The following DISC1 variants were observed in gnomAD, a reference collection of about 807,000 sequenced individuals.
DISC1 encodes the protein DISC1 scaffold protein, also known as disrupted in schizophrenia 1 protein.
A neutral mutation model predicts 84.5 loss-of-function variants in DISC1; 57 were observed. That is an observed-to-expected ratio of 0.67 (90% CI 0.55 to 0.84). The LOEUF (loss-of-function observed/expected upper bound fraction) is 0.84. Among genes scored for constraint, DISC1 ranks in the 40% least tolerant of loss-of-function variants. The pLI, the probability that DISC1 is intolerant of heterozygous loss-of-function variation, is 0.00. For synonymous variants in DISC1, 411 were observed against 415.2 expected, an observed-to-expected ratio of 0.99 and a Z score of 0.12; for missense variants, 1,000 against 1,057.8, an observed-to-expected ratio of 0.95 and a Z score of 0.76.
At chr1:232,028,054 C>T (rs1669640518) in intron 12 of DISC1, among the ~76,000 whole-genome samples, 1 of 152,140 alleles carries the variant, frequency 6.6e-6, no homozygotes, top group Admixed American at 6.5e-5. Context: ...TAATTTCCTG[C>T]CTCTTAAAAA....
intron 10 of DISC1, 151 bp downstream of exon 10, chr1:231,959,039 T>C: frequency 1.4e-6 from 2 of 1,425,758 alleles, no homozygotes; most frequent in South Asian, 3.2e-5. Context: ...ACCCCATCAG[T>C]GAAAGAGCAG....
intron 7 of DISC1, among the ~76,000 whole-genome samples, chr1:231,799,413 C>T (rs2079007970): frequency 6.6e-6 from 1 of 152,094 alleles, no homozygotes; most frequent in South Asian, 2.1e-4. Context: ...GAGCAAAATC[C>T]CTGCTCACAT....
At chr1:231,813,202 G>A (rs2080499526) in intron 8 of DISC1, 1 of 152,228 alleles carries the variant, frequency 6.6e-6, no homozygotes, top group Admixed American at 6.5e-5. Flanking sequence ...TCTGCTTTTA[G>A]AGATCTTTTC....
At chr1:231,760,806 G>A (rs2075588375) in intron 4 of DISC1, among the ~76,000 whole-genome samples, 1 of 152,206 alleles carries the variant, frequency 6.6e-6, no homozygotes, top group African/African-American at 2.4e-5. Context: ...GGCCTCTCGA[G>A]CAATGCCAAG....
intron 9 of DISC1, among the ~76,000 whole-genome samples, chr1:231,874,102 G>A (rs192504858): frequency 2.8e-4 from 42 of 151,710 alleles, no homozygotes; most frequent in East Asian, 9.7e-4. Flanking sequence ...CCTGCCTGTC[G>A]GCCTCCCAAA....
chr1:231,770,871 C>T lies in DISC1; in HGVS notation c.1435C>T (p.Leu479=). ...IEALQARMFV[L]EAKDQQLRRE... Reference sequence around the variant, plus strand: ...AGCTCTCCAAGCAAGGATGTTTGTGCTGGAAGCCAAAGATCAACAGCTGAG... The same window carrying T: ...AGCTCTCCAAGCAAGGATGTTTGTGTTGGAAGCCAAAGATCAACAGCTGAG... The change falls in exon 6 of 13, where the codon CTG becomes TTG. Residue 479 remains leucine (L), a synonymous_variant. Transcript: ENST00000439617. 2 of 1,614,226 alleles carry T rather than the reference C, an allele frequency of 1.2e-6. No homozygotes were observed. Among genetic ancestry groups the T allele is most frequent in the Non-Finnish European group, 1.7e-6 (2 of 1,180,056 alleles).
intron 9 of DISC1, among the ~76,000 whole-genome samples, chr1:231,829,572 G>C (rs774702983): frequency 6.6e-6 from 1 of 152,020 alleles, no homozygotes; most frequent in Non-Finnish European, 1.5e-5. Context: ...GAGTGGTCTC[G>C]AACTCCTGGG....
chr1:231,668,163 C>G (rs2062200366), intron 1 of DISC1, among the ~76,000 whole-genome samples: 1 of 152,086 alleles, frequency 6.6e-6, no homozygotes, highest in African/African-American at 2.4e-5. Flanking sequence ...TGAAACCAAT[C>G]ATTAAACATG....
At chr1:231,704,506 C>A (rs1031334445) in intron 3 of DISC1, among the ~76,000 whole-genome samples, 1 of 152,130 alleles carries the variant, frequency 6.6e-6, no homozygotes, top group Non-Finnish European at 1.5e-5. Flanking sequence ...CCTATAATCC[C>A]AGCACTTTGG....
chr1:231,790,392 T>C (rs935242290), intron 6 of DISC1, among the ~76,000 whole-genome samples: 1 of 152,304 alleles, frequency 6.6e-6, no homozygotes, highest in Admixed American at 6.5e-5. Context: ...ATGTCTAAGA[T>C]CAAGGTGTCA....
At chr1:231,895,970 G>A (rs569602072) in intron 9 of DISC1, among the ~76,000 whole-genome samples, 2 of 152,118 alleles carry the variant, frequency 1.3e-5, no homozygotes, top group Non-Finnish European at 2.9e-5. Context: ...GCTTATTGTC[G>A]TAGCTCAGTA....
Position 231,848,659 on chromosome 1 carries a change from C to G in DISC1, c.1981+30142C>G, listed in dbSNP as rs534320943. On this transcript the variant is annotated intron_variant, in intron 9 of 12. Coordinates refer to ENST00000439617, the MANE Select transcript of DISC1 (RefSeq NM_018662.3). ...GAGTTGACTAGTCATCAAAAGACCC[C>G]GATCACTTCTCAGTTTGTCCAAAAA... is the stretch of plus-strand genomic sequence containing the variant. Among the ~76,000 whole-genome samples, 9 of 152,328 alleles carry G rather than the reference C, an allele frequency of 5.9e-5. No homozygotes were observed. The South Asian group carries it at 1.9e-3, about 32-fold the overall frequency.
chr1:231,795,423 G>A, intron 7 of DISC1, 127 bp downstream of exon 7: 2 of 804,820 alleles, frequency 2.5e-6, no homozygotes, highest in Non-Finnish European at 4.1e-6. Context: ...AAGCCATTTT[G>A]CAGGCCCAAT....
At chr1:231,959,176 A>T in intron 10 of DISC1, 2 of 1,075,710 alleles carry the variant, frequency 1.9e-6, no homozygotes, top group Non-Finnish European at 2.2e-6. Context: ...TTAAATTCAG[A>T]ATTCATTCCT....
rs367543097 is a variant in DISC1, at chr1:232,008,963, A to G, written c.2221A>G (p.Lys741Glu). The G allele has an allele frequency of 3.7e-6, 6 of 1,613,774 alleles. No individual in the cohort carries two copies. The African/African-American group carries it at 8.0e-5, about 22-fold the overall frequency. The change falls in exon 11 of 13, where the codon AAA (lysine) becomes GAA (glutamate). Residue 741 changes from lysine to glutamate, a missense_variant. By Grantham distance (56) the Lys-to-Glu change is moderately conservative. This residue lies in a region of DISC1 where 397 missense variants were observed against 377.5 expected (regional missense o/e 1.05). Coordinates refer to ENST00000439617, the MANE Select transcript of DISC1 (RefSeq NM_018662.3). ...TCCCCCCAGGCTCCACTCCGAGGAT[A>G]AAAGGAAGACCCCTTTGAAGGTATT... Reference protein sequence around the residue: ...PIPPRLHSEDKRKTPLKVLEE... With the variant: ...PIPPRLHSEDERKTPLKVLEE...
intron 9 of DISC1, among the ~76,000 whole-genome samples, chr1:231,837,692 G>A (rs904591318): frequency 6.6e-6 from 1 of 152,186 alleles, no homozygotes; most frequent in African/African-American, 2.4e-5. Flanking sequence ...ATGATGGGGC[G>A]AAGGTGAAAT....
At position 231,656,260 on chromosome 1, in the gene DISC1, T is replaced by G. The variant is rs1426844124; in HGVS notation, c.67+29326T>G. ...GTAATCCATCTTGAGTTGATTTTTG[T>G]GTATAGTGAGAGATAGAGATCCAGT... is the stretch of plus-strand genomic sequence containing the variant. On this transcript the variant is annotated intron_variant, in intron 1 of 12. Transcript: ENST00000439617. 2.0e-5 allele frequency among the ~76,000 whole-genome samples: 3 copies of G among 152,206 alleles called. No homozygotes were observed. The South Asian group carries it at 6.2e-4, about 31-fold the overall frequency.
intron 9 of DISC1, chr1:231,866,750 G>A: frequency 7.6e-7 from 1 of 1,315,496 alleles, no homozygotes; most frequent in South Asian, 2.5e-5. Flanking sequence ...GCTTTGTATG[G>A]ATTCTTCTTT....
chr1:232,005,049 C>CTTCT (rs1667238325), intron 10 of DISC1, among the ~76,000 whole-genome samples: 1 of 134,956 alleles, frequency 7.4e-6, no homozygotes, highest in South Asian at 2.6e-4. Context: ...TCCATCCTTC[C>CTTCT]TTCCTTCCTT....
Sources: allele counts gnomAD v4.1 joint callset (sites outside exome capture counted in the v4.1 genomes callset), GRCh38; gene constraint gnomAD v4.1.1; regional missense constraint gnomAD v4.1.1; transcripts MANE v1.5; gene names NCBI Gene and HGNC (gene_info 2026-07-23, HGNC 2026-07-21).